The following NRF1 variants were observed in gnomAD, a reference collection of about 807,000 sequenced individuals.
The protein encoded by NRF1 is alpha palindromic-binding protein.
A neutral mutation model predicts 58.5 loss-of-function variants in NRF1; 5 were observed. The ratio of observed to expected loss-of-function variants is 0.09; its 90% confidence interval spans 0.04 to 0.18. The LOEUF (loss-of-function observed/expected upper bound fraction) is 0.18, where lower values mean the gene tolerates loss of function less well. Ranked by LOEUF, NRF1 falls within the 10% of genes least tolerant of loss-of-function variation. The pLI is 1.00. For synonymous variants in NRF1, 224 were observed against 246.7 expected, an observed-to-expected ratio of 0.91 and a Z score of 0.86; for missense variants, 288 against 657.7, an observed-to-expected ratio of 0.44 and a Z score of 6.15.
At position 129,682,325 on chromosome 7, in the gene NRF1, A is replaced by G. The variant is rs75131038; in HGVS notation, c.465+4567A>G. ...AATTTAAAAATTAGCCAGATGTGGT[A>G]GCACATGCTTATAATCTTAGCTTCT... On this transcript the variant is annotated intron_variant, in intron 4 of 10. Transcript: ENST00000393232. Among the ~76,000 whole-genome samples the G allele has an allele frequency of 9.2e-5, 14 of 151,636 alleles. No individual in the cohort carries two copies. In the East Asian group the frequency reaches 2.7e-3, roughly 30 times the overall value.
intron 5 of NRF1, among the ~76,000 whole-genome samples, chr7:129,703,335 C>A (rs1233843997): frequency 6.6e-6 from 1 of 152,124 alleles, no homozygotes; most frequent in Non-Finnish European, 1.5e-5. Context: ...CTTTGCTGAT[C>A]CTGTTGATTG....
chr7:129,714,486 G>A (rs993278295), intron 8 of NRF1, among the ~76,000 whole-genome samples: 5 of 152,086 alleles, frequency 3.3e-5, no homozygotes, highest in African/African-American at 9.7e-5. Context: ...TGTTTTGAGC[G>A]GACTCATCAG....
rs1803910864 is a variant in NRF1, at chr7:129,744,083, G to A, written c.1349-10935G>A. 2.1e-5 allele frequency: 25 copies of A among 1,211,338 alleles called. No homozygotes were observed. The South Asian group carries it at 3.4e-4, about 16-fold the overall frequency. The allele number at this position is 1,211,338 out of a possible 1,614,324, so 75.0% of individuals were successfully genotyped here. A position where few individuals can be genotyped will look rare whatever the true frequency, so the allele number is the denominator to read the frequency against. On this transcript the variant is annotated intron_variant, in intron 10 of 10. Transcript: ENST00000393232. ...TGCACCCTGCACCAGATGTGCATGGGAGGCTGCAAGCGCCGCAGCGGGGCT... is the reference window on the plus strand; with the variant it reads ...TGCACCCTGCACCAGATGTGCATGGAAGGCTGCAAGCGCCGCAGCGGGGCT...
At chr7:129,730,623 C>T (rs1013408394) in intron 10 of NRF1, among the ~76,000 whole-genome samples, 1 of 151,978 alleles carries the variant, frequency 6.6e-6, no homozygotes, top group Non-Finnish European at 1.5e-5. Context: ...TGGGAAGTGG[C>T]GCGGGCGGGT....
chr7:129,754,766 A>C (rs552615434), intron 10 of NRF1, among the ~76,000 whole-genome samples: 86 of 152,336 alleles, frequency 5.6e-4, no homozygotes, highest in Non-Finnish European at 8.5e-4. Context: ...CAGTGTATAC[A>C]TGCATTGAAA....
chr7:129,702,486 G>A (rs1396428065), intron 5 of NRF1, among the ~76,000 whole-genome samples: 2 of 150,428 alleles, frequency 1.3e-5, no homozygotes, highest in African/African-American at 2.4e-5. Context: ...CACTACTAGG[G>A]AGTGGTGTTT....
chr7:129,675,898 GC>G (rs1347661261), intron 3 of NRF1, among the ~76,000 whole-genome samples: 1 of 152,196 alleles, frequency 6.6e-6, no homozygotes, highest in East Asian at 1.9e-4. Flanking sequence ...CTCCTCTCTA[GC>G]TAGGAAAGTC....
rs188309112 is a variant in NRF1 at position 129,663,688 on chromosome 7, G to A, written c.223+6114G>A. Among the ~76,000 whole-genome samples, 43 of 152,100 alleles carry A rather than the reference G, an allele frequency of 2.8e-4. No individual in the cohort carries two copies. In the East Asian group the frequency reaches 7.4e-3, roughly 26 times the overall value. On this transcript the variant is annotated intron_variant, in intron 2 of 10. Coordinates refer to ENST00000393232, the MANE Select transcript of NRF1 (RefSeq NM_005011.5). ...GCTCCTCACATCCCAGACGATGGGC[G>A]GCCAGGCAGAGACGCTGCTCACTTC... is the stretch of plus-strand genomic sequence containing the variant.
intron 3 of NRF1, among the ~76,000 whole-genome samples, chr7:129,676,341 A>G (rs1802178492): frequency 6.6e-6 from 1 of 152,344 alleles, no homozygotes; most frequent in Admixed American, 6.5e-5. Context: ...GGCTTTCAAC[A>G]TGCCTTCCTC....
At chr7:129,630,458 T>C (rs1417389323) in intron 1 of NRF1, among the ~76,000 whole-genome samples, 1 of 152,196 alleles carries the variant, frequency 6.6e-6, no homozygotes, top group Non-Finnish European at 1.5e-5. Flanking sequence ...AAACATTCAA[T>C]TTAAATTTCA....
At chr7:129,697,472 C>T (rs944912898) in intron 5 of NRF1, among the ~76,000 whole-genome samples, 18 of 149,342 alleles carry the variant, frequency 1.2e-4, no homozygotes, top group East Asian at 2.0e-4. Context: ...CGCTTGAACC[C>T]GGGAGGCGGA....
intron 1 of NRF1, among the ~76,000 whole-genome samples, chr7:129,612,310 G>A (rs1318232820): frequency 7.5e-6 from 1 of 133,498 alleles, no homozygotes; most frequent in African/African-American, 2.7e-5. Context: ...GCGGGCGGGC[G>A]GGCGGCGCGG....
intron 10 of NRF1, among the ~76,000 whole-genome samples, chr7:129,753,263 A>C (rs578044248): frequency 6.6e-6 from 1 of 152,346 alleles, no homozygotes; most frequent in African/African-American, 2.4e-5. Context: ...TTCTCAATAC[A>C]GTGGGTGAAC....
chr7:129,631,889 G>A (rs559573676), intron 1 of NRF1, among the ~76,000 whole-genome samples: 4 of 152,148 alleles, frequency 2.6e-5, no homozygotes, highest in Non-Finnish European at 5.9e-5. Context: ...TTTGCTACAG[G>A]TATTTTTTGG....
chr7:129,705,043 A>G (rs916078889), intron 5 of NRF1, among the ~76,000 whole-genome samples: 5 of 152,226 alleles, frequency 3.3e-5, no homozygotes, highest in Admixed American at 2.0e-4. Flanking sequence ...CCAAAGAGCT[A>G]TGGTGCACCT....
At chr7:129,667,579 G>T (rs1396162693) in intron 2 of NRF1, among the ~76,000 whole-genome samples, 1 of 151,558 alleles carries the variant, frequency 6.6e-6, no homozygotes, top group Non-Finnish European at 1.5e-5. Context: ...TTTTGTTCAT[G>T]AAGGTTTTTA....
intron 5 of NRF1, among the ~76,000 whole-genome samples, chr7:129,705,539 C>T (rs1251213346): frequency 6.6e-6 from 1 of 152,162 alleles, no homozygotes; most frequent in Non-Finnish European, 1.5e-5. Flanking sequence ...AGTCTGCTCT[C>T]CTTGACCTTC....
intron 2 of NRF1, among the ~76,000 whole-genome samples, chr7:129,666,804 T>C (rs1208725608): frequency 6.6e-6 from 1 of 152,236 alleles, no homozygotes; most frequent in East Asian, 1.9e-4. Flanking sequence ...GTGTTGGGAT[T>C]ACAGGCGAGA....
intron 1 of NRF1, among the ~76,000 whole-genome samples, chr7:129,637,547 A>G (rs781364154): frequency 6.6e-6 from 1 of 152,048 alleles, no homozygotes; most frequent in East Asian, 1.9e-4. Flanking sequence ...CCATAATTCT[A>G]TTTTGCATAG....
Sources: gnomAD v4.1 joint callset for allele counts (sites outside exome capture counted in the v4.1 genomes callset) on GRCh38, gnomAD v4.1.1 for gene constraint, MANE v1.5 for transcripts, NCBI Gene and HGNC (gene_info 2026-07-23, HGNC 2026-07-21) for gene names.